PARD3: variants seen among roughly 807,000 people sequenced by gnomAD.
PARD3 encodes par-3 family cell polarity regulator.
Under a neutral mutation model 155.4 loss-of-function variants are expected in PARD3, and 75 were observed. The ratio of observed to expected loss-of-function variants is 0.48; its 90% CI spans 0.40 to 0.58. The LOEUF (loss-of-function observed/expected upper bound fraction) is 0.58, where lower values mean the gene tolerates loss of function less well. PARD3 is among the 20% of genes least tolerant of loss of function. The probability of loss-of-function intolerance (pLI) is 0.00; values close to 1 mark genes in which losing one functional copy is unlikely to be tolerated. For missense variants in PARD3, 1,642 were observed against 1,721.7 expected, an observed-to-expected ratio of 0.95 and a Z score of 0.82; for synonymous variants, 576 against 610.5, an observed-to-expected ratio of 0.94 and a Z score of 0.83.
At chr10:34,243,151 A>G (rs1217381561) in intron 22 of PARD3, among the ~76,000 whole-genome samples, 2 of 152,178 alleles carry the variant, frequency 1.3e-5, no homozygotes, top group African/African-American at 2.4e-5. Context: ...AAAATAATCT[A>G]TTTTACCACT....
chr10:34,512,336 T>C (rs2081449344), intron 3 of PARD3, among the ~76,000 whole-genome samples: 1 of 152,244 alleles, frequency 6.6e-6, no homozygotes, highest in South Asian at 2.1e-4. Flanking sequence ...GGCTTCTTTA[T>C]TATCATTATA....
At chr10:34,736,137 T>C (rs1029452486) in intron 1 of PARD3, among the ~76,000 whole-genome samples, 10 of 151,852 alleles carry the variant, frequency 6.6e-5, no homozygotes, top group Non-Finnish European at 8.8e-5. Context: ...GTTCACGCCA[T>C]TCTCATGCCT....
At chr10:34,129,711 T>A in intron 23 of PARD3, among the ~76,000 whole-genome samples, 1 of 145,194 alleles carries the variant, frequency 6.9e-6, no homozygotes. Flanking sequence ...TTTTTTTTTT[T>A]TTTTTTTGAG....
intron 15 of PARD3, chr10:34,343,386 GA>G (rs1337388752): frequency 3.1e-6 from 3 of 983,024 alleles, no homozygotes; most frequent in African/African-American, 1.7e-5. Context: ...AGGGGCATAT[GA>G]TTTTTTTTGT....
rs537354174 is a variant in PARD3 at position 34,150,824 on chromosome 10, A to C, written c.3420-19241T>G. Among the ~76,000 whole-genome samples, 5 of 152,324 alleles carry C rather than the reference A, an allele frequency of 3.3e-5. No homozygotes were observed. The East Asian group carries it at 9.6e-4, about 29-fold the overall frequency. The stretch of plus-strand genomic sequence containing the variant: ...ATTAAAAATTTGTTTAAATTCATAA[A>C]ATATGACAGCTCTAAAGTATTATCA... On this transcript the variant is annotated intron_variant, in intron 22 of 24. Coordinates refer to ENST00000374788, the MANE Select transcript of PARD3 (RefSeq NM_001184785.2).
intron 2 of PARD3, among the ~76,000 whole-genome samples, chr10:34,641,023 G>C (rs188913676): frequency 6.6e-6 from 1 of 152,252 alleles, no homozygotes; most frequent in Admixed American, 6.5e-5. Context: ...AATTTCAGAA[G>C]AGTATACCTT....
intron 2 of PARD3, among the ~76,000 whole-genome samples, chr10:34,610,477 G>C (rs1002917380): frequency 6.6e-6 from 1 of 152,172 alleles, no homozygotes; most frequent in Non-Finnish European, 1.5e-5. Context: ...GCTTAGAGCA[G>C]TTAGGAAGAT....
chr10:34,666,178 C>G (rs2093465851), intron 2 of PARD3, among the ~76,000 whole-genome samples: 1 of 149,836 alleles, frequency 6.7e-6, no homozygotes, highest in Non-Finnish European at 1.5e-5. Context: ...CAGGATTACA[C>G]CAGTGCACTC....
chr10:34,341,539 T>A, intron 16 of PARD3, 88 bp downstream of exon 16: 1 of 965,868 alleles, frequency 1.0e-6, no homozygotes, highest in Non-Finnish European at 1.5e-6. Flanking sequence ...ATTAAAAAAA[T>A]GATTAACTGT....
rs188625812 is a variant in PARD3 at position 34,356,503 on chromosome 10, G to A, written c.2067+2644C>T. 1.1e-3 allele frequency among the ~76,000 whole-genome samples: 169 copies of A among 152,298 alleles called. 2 individuals carry two copies. The highest frequency in any genetic ancestry group is 5.1e-4 in the Non-Finnish European group (35 of 68,028). The stretch of plus-strand genomic sequence containing the variant: ...CCTTCCCTAACTAGAAATTAAATAT[G>A]CAAACCTTGGATTTAAAGATGAGAT... On this transcript the variant is annotated intron_variant, in intron 14 of 24. Coordinates refer to ENST00000374788, the MANE Select transcript of PARD3 (RefSeq NM_001184785.2).
At chr10:34,591,019 T>C (rs1471055517) in intron 2 of PARD3, among the ~76,000 whole-genome samples, 1 of 152,132 alleles carries the variant, frequency 6.6e-6, no homozygotes, top group African/African-American at 2.4e-5. Flanking sequence ...AGGTCTGCAA[T>C]GGCAGGACTA....
intron 4 of PARD3, among the ~76,000 whole-genome samples, chr10:34,468,367 T>C (rs1015238559): frequency 1.2e-4 from 19 of 152,260 alleles, no homozygotes; most frequent in African/African-American, 4.6e-4. Flanking sequence ...AGATGTTGAA[T>C]GACTTGAAAA....
At chr10:34,136,984 C>G (rs915048932) in intron 22 of PARD3, among the ~76,000 whole-genome samples, 1 of 152,190 alleles carries the variant, frequency 6.6e-6, no homozygotes. Flanking sequence ...ACAAATTGAT[C>G]AGCAAATATT....
intron 1 of PARD3, among the ~76,000 whole-genome samples, chr10:34,781,118 T>TC (rs1840189617): frequency 6.6e-6 from 1 of 152,060 alleles, no homozygotes; most frequent in Non-Finnish European, 1.5e-5. Context: ...GGGGCACCCC[T>TC]CCCCCCTCTA....
At chr10:34,374,843 G>GA in intron 11 of PARD3, 31 bp downstream of exon 11, 1 of 1,607,698 alleles carries the variant, frequency 6.2e-7, no homozygotes, top group Non-Finnish European at 8.5e-7. Flanking sequence ...CTGCATATCA[G>GA]AAATCTTTCA....
intron 15 of PARD3, chr10:34,344,832 G>C: frequency 1.0e-6 from 1 of 985,414 alleles, no homozygotes. Context: ...TGTGACTCAT[G>C]ATAAAGAAAA....
At chr10:34,345,006 C>T (rs550866246) in intron 15 of PARD3, 2 of 985,072 alleles carry the variant, frequency 2.0e-6, no homozygotes, top group South Asian at 4.7e-5. Context: ...TTTTTAGTCA[C>T]CATGGGTGCC....
At chr10:34,487,002 C>T (rs1239569850) in intron 3 of PARD3, among the ~76,000 whole-genome samples, 1 of 152,084 alleles carries the variant, frequency 6.6e-6, no homozygotes, top group Non-Finnish European at 1.5e-5. Context: ...ACAAAGCACT[C>T]ATGATACCTT....
At chr10:34,119,204 C>T (rs909267101) in intron 24 of PARD3, among the ~76,000 whole-genome samples, 1 of 152,166 alleles carries the variant, frequency 6.6e-6, no homozygotes, top group Non-Finnish European at 1.5e-5. Flanking sequence ...CACTGACTCT[C>T]GATCCTTTTA....
Sources: allele counts gnomAD v4.1 joint callset (sites outside exome capture counted in the v4.1 genomes callset), GRCh38; gene constraint gnomAD v4.1.1; transcripts MANE v1.5; gene names NCBI Gene and HGNC (gene_info 2026-07-23, HGNC 2026-07-21).